TMTC2: variants seen among roughly 807,000 people sequenced by gnomAD.
TMTC2 encodes the protein protein O-mannosyl-transferase TMTC2.
A neutral mutation model predicts 82.4 loss-of-function variants in TMTC2; 43 were observed. That is an observed-to-expected ratio of 0.52 (90% CI 0.41 to 0.67). The LOEUF is 0.67. Among genes scored for constraint, TMTC2 ranks in the 30% least tolerant of loss-of-function variants. The pLI is 0.00. For missense variants in TMTC2, 919 were observed against 1,012.4 expected (o/e 0.91, Z 1.25); for synonymous variants, 408 against 381.9 (o/e 1.07, Z -0.80).
intron 7 of TMTC2, among the ~76,000 whole-genome samples, chr12:82,980,628 GT>G (rs1878876343): frequency 6.6e-6 from 1 of 151,634 alleles, no homozygotes; most frequent in Non-Finnish European, 1.5e-5. Context: ...ATTATAATTT[GT>G]GTGAGTCCTT....
intron 3 of TMTC2, among the ~76,000 whole-genome samples, chr12:82,905,352 A>G (rs1250065262): frequency 3.3e-5 from 5 of 152,198 alleles, no homozygotes; most frequent in Admixed American, 6.5e-5. Flanking sequence ...AAAATCAAAT[A>G]GGTTCTGAGA....
At chr12:82,908,391 AGAG>A (rs1874437547) in intron 3 of TMTC2, among the ~76,000 whole-genome samples, 2 of 32,190 alleles carry the variant, frequency 6.2e-5, no homozygotes, top group Non-Finnish European at 9.4e-5. Flanking sequence ...TTTTATCAGT[AGAG>A]TTTTCCTCAT....
chr12:82,864,150 A>G (rs1262831997), intron 2 of TMTC2, among the ~76,000 whole-genome samples: 3 of 152,202 alleles, frequency 2.0e-5, no homozygotes, highest in Non-Finnish European at 2.9e-5. Flanking sequence ...GCAGATACAC[A>G]GAGGACATGG....
chr12:82,898,026 G>A (rs891284143), intron 3 of TMTC2, among the ~76,000 whole-genome samples: 1 of 152,136 alleles, frequency 6.6e-6, no homozygotes, highest in Admixed American at 6.5e-5. Context: ...TGTCTGATGA[G>A]CACAAATTAA....
chr12:82,740,336 G>A (rs1375263844), intron 1 of TMTC2, among the ~76,000 whole-genome samples: 1 of 152,084 alleles, frequency 6.6e-6, no homozygotes, highest in Non-Finnish European at 1.5e-5. Context: ...TTCTAGGCTG[G>A]GAAACAATAC....
At chr12:82,806,276 C>T (rs1473377096) in intron 1 of TMTC2, among the ~76,000 whole-genome samples, 1 of 151,978 alleles carries the variant, frequency 6.6e-6, no homozygotes, top group South Asian at 2.1e-4. Flanking sequence ...AAAAAAATGG[C>T]TCAATTAGTC....
chr12:82,727,621 T>A (rs1009551521), intron 1 of TMTC2, among the ~76,000 whole-genome samples: 1 of 151,904 alleles, frequency 6.6e-6, no homozygotes, highest in South Asian at 2.1e-4. Context: ...CTCGGGAGGC[T>A]GAGCCAGGAG....
At chr12:83,051,476 C>T (rs1171289035) in intron 10 of TMTC2, among the ~76,000 whole-genome samples, 5 of 152,040 alleles carry the variant, frequency 3.3e-5, no homozygotes, top group African/African-American at 1.2e-4. Flanking sequence ...ACTGCGACCT[C>T]CTTTCCCTTC....
At chr12:83,103,024 A>G (rs1884274396) in intron 11 of TMTC2, among the ~76,000 whole-genome samples, 1 of 152,198 alleles carries the variant, frequency 6.6e-6, no homozygotes, top group Admixed American at 6.5e-5. Flanking sequence ...TGGGCTTTCA[A>G]GAAAGAGATA....
intron 4 of TMTC2, among the ~76,000 whole-genome samples, chr12:82,944,152 G>T (rs969899487): frequency 6.6e-6 from 1 of 152,138 alleles, no homozygotes; most frequent in Non-Finnish European, 1.5e-5. Context: ...GAGCTAAAGG[G>T]TATAGATTTT....
At chr12:83,007,712 C>A (rs1880267322) in intron 8 of TMTC2, among the ~76,000 whole-genome samples, 1 of 152,016 alleles carries the variant, frequency 6.6e-6, no homozygotes, top group Admixed American at 6.6e-5. Context: ...TTCATTTATT[C>A]TTTCTATAAC....
At chr12:82,703,502 T>C (rs370441295) in intron 1 of TMTC2, among the ~76,000 whole-genome samples, 35 of 147,058 alleles carry the variant, frequency 2.4e-4, no homozygotes, top group Admixed American at 4.1e-4. Flanking sequence ...TTCTTTCTTT[T>C]TTTTTTTTTT....
intron 8 of TMTC2, among the ~76,000 whole-genome samples, chr12:82,997,364 A>G (rs9888355): frequency 0.21 from 6,027 of 29,080 alleles, 666 homozygotes; most frequent in South Asian, 0.27. Context: ...ATATATATAT[A>G]TGTGTATATA....
chr12:82,782,747 C>A (rs55653244), intron 1 of TMTC2, among the ~76,000 whole-genome samples: 1 of 152,100 alleles, frequency 6.6e-6, no homozygotes, highest in East Asian at 1.9e-4. Flanking sequence ...CTTTTCTAGA[C>A]TAAGTACAAT....
chr12:82,860,315 T>G (rs965781710), intron 2 of TMTC2, among the ~76,000 whole-genome samples: 4 of 152,126 alleles, frequency 2.6e-5, no homozygotes, highest in African/African-American at 9.7e-5. Flanking sequence ...TCTTTGCCAC[T>G]CTCTTCATTT....
intron 8 of TMTC2, among the ~76,000 whole-genome samples, chr12:83,002,150 C>G (rs1310717899): frequency 6.6e-6 from 1 of 152,122 alleles, no homozygotes; most frequent in Non-Finnish European, 1.5e-5. Context: ...GATTCAATTT[C>G]AAAACTCATT....
intron 1 of TMTC2, among the ~76,000 whole-genome samples, chr12:82,793,454 A>T (rs1047914303): frequency 6.6e-6 from 1 of 151,724 alleles, no homozygotes; most frequent in Non-Finnish European, 1.5e-5. Context: ...TCTAAGAAAC[A>T]TTATTTAATT....
At chr12:82,956,628 A>C (rs988118971) in intron 4 of TMTC2, among the ~76,000 whole-genome samples, 2 of 151,918 alleles carry the variant, frequency 1.3e-5, no homozygotes, top group South Asian at 4.1e-4. Flanking sequence ...TAATTTTTGT[A>C]TTTTTAGTAG....
chr12:82,899,476 A>T (rs542383630), intron 3 of TMTC2, among the ~76,000 whole-genome samples: 1 of 150,596 alleles, frequency 6.6e-6, no homozygotes, highest in Non-Finnish European at 1.5e-5. Flanking sequence ...CACTGTTGGC[A>T]TCATGGCCTG....
Sources: gnomAD v4.1 joint callset for allele counts (sites outside exome capture counted in the v4.1 genomes callset) on GRCh38, gnomAD v4.1.1 for gene constraint, MANE v1.5 for transcripts, NCBI Gene and HGNC (gene_info 2026-07-23, HGNC 2026-07-21) for gene names.